Variants in DCHS2 observed in about 807,000 individuals in gnomAD.
DCHS2 encodes the protein dachsous cadherin-related 2.
Under a neutral mutation model 182.4 loss-of-function variants are expected in DCHS2, and 142 were observed. That is an observed-to-expected ratio of 0.78 (90% CI 0.68 to 0.89). The LOEUF (loss-of-function observed/expected upper bound fraction) is 0.89. Ranked by LOEUF, DCHS2 falls within the 40% of genes least tolerant of loss-of-function variation. The pLI is 0.00. For missense variants in DCHS2, 4,319 were observed against 4,198.6 expected (o/e 1.03, Z -0.79); for synonymous variants, 1,740 against 1,663.3 (o/e 1.05, Z -1.12).
At chr4:154,320,000 T>C (rs1363502714) in intron 9 of DCHS2, among the ~76,000 whole-genome samples, 2 of 152,220 alleles carry the variant, frequency 1.3e-5, no homozygotes, top group African/African-American at 4.8e-5. Context: ...TGAAGACAAT[T>C]CAGCCTTAAA....
At chr4:154,400,463 T>C (rs965646150) in intron 1 of DCHS2, among the ~76,000 whole-genome samples, 6 of 70,520 alleles carry the variant, frequency 8.5e-5, no homozygotes, top group African/African-American at 1.9e-4. Flanking sequence ...CCCCCCATGC[T>C]GTAAGGGTGG....
intron 10 of DCHS2, 74 bp downstream of exon 10, chr4:154,315,674 T>C: frequency 6.4e-7 from 1 of 1,557,790 alleles, no homozygotes; most frequent in Non-Finnish European, 8.7e-7. Context: ...GCCATAACTA[T>C]TATAAATTAC....
intron 13 of DCHS2, among the ~76,000 whole-genome samples, chr4:154,278,345 A>G (rs1308532586): frequency 6.6e-6 from 1 of 152,066 alleles, no homozygotes; most frequent in African/African-American, 2.4e-5. Flanking sequence ...AATGAAGAAA[A>G]GTGAAGGAAG....
At chr4:154,310,649 T>C (rs1481816954) in intron 10 of DCHS2, among the ~76,000 whole-genome samples, 1 of 152,210 alleles carries the variant, frequency 6.6e-6, no homozygotes, top group Non-Finnish European at 1.5e-5. Context: ...GGATGGATCA[T>C]GGTGCCAATG....
At chr4:154,453,126 G>A (rs1734607230) in intron 1 of DCHS2, among the ~76,000 whole-genome samples, 1 of 152,018 alleles carries the variant, frequency 6.6e-6, no homozygotes, top group Admixed American at 6.6e-5. Flanking sequence ...TCCCGTGCAT[G>A]CAGGCAAAAA....
chr4:154,288,328 G>A (rs1048361092), intron 13 of DCHS2, among the ~76,000 whole-genome samples: 2 of 152,010 alleles, frequency 1.3e-5, no homozygotes, highest in Admixed American at 6.6e-5. Flanking sequence ...AGACAAGGAA[G>A]GTCATTATGC....
intron 12 of DCHS2, among the ~76,000 whole-genome samples, chr4:154,301,746 G>A (rs1214787676): frequency 6.6e-6 from 1 of 152,066 alleles, no homozygotes; most frequent in African/African-American, 2.4e-5. Context: ...CAGGTGATCT[G>A]CCCACCTTGG....
chr4:154,351,923 C>T (rs993078987), intron 3 of DCHS2, among the ~76,000 whole-genome samples: 2 of 152,128 alleles, frequency 1.3e-5, no homozygotes, highest in African/African-American at 4.8e-5. Flanking sequence ...CCTATGAAGG[C>T]ACTGATTGCT....
rs762788162 is a variant in DCHS2 at position 154,432,646 on chromosome 4, GA to G, written c.2053-55203del. 2.3e-3 allele frequency among the ~76,000 whole-genome samples: 317 copies of G among 137,310 alleles called. 1 individual carries two copies. The highest frequency in any genetic ancestry group is 6.8e-3 in the African/African-American group (256 of 37,500). 90.1% of individuals were successfully genotyped at this position (137,310 alleles called of 152,430 possible). On this transcript the variant is annotated intron_variant, in intron 1 of 19. Coordinates refer to ENST00000357232, the MANE Select transcript of DCHS2 (RefSeq NM_001358235.2). Reference sequence around the variant, plus strand: ...TTTCAGGATAATGGAGTAATAGAATGAAAAAAAAAAAGATGAGAAAAAGACA... The same window carrying G: ...TTTCAGGATAATGGAGTAATAGAATGAAAAAAAAAAGATGAGAAAAAGACA...
At chr4:154,307,218 T>C (rs1224068217) in intron 10 of DCHS2, among the ~76,000 whole-genome samples, 1 of 152,144 alleles carries the variant, frequency 6.6e-6, no homozygotes, top group African/African-American at 2.4e-5. Context: ...CATAGCATCA[T>C]CAAACTTGAG....
intron 1 of DCHS2, among the ~76,000 whole-genome samples, chr4:154,411,872 G>T (rs1732648342): frequency 6.6e-6 from 1 of 151,966 alleles, no homozygotes; most frequent in Non-Finnish European, 1.5e-5. Context: ...TTCTAAAAAA[G>T]CCTGAAGGTT....
At chr4:154,330,091 T>C (rs532935010) in intron 5 of DCHS2, among the ~76,000 whole-genome samples, 7 of 152,240 alleles carry the variant, frequency 4.6e-5, no homozygotes, top group Non-Finnish European at 1.0e-4. Context: ...ACACAGGTTC[T>C]GGCTTTGGCC....
chr4:154,336,093 A>C (rs987558616), intron 3 of DCHS2, among the ~76,000 whole-genome samples: 7 of 152,108 alleles, frequency 4.6e-5, no homozygotes, highest in African/African-American at 1.7e-4. Context: ...TCTCTTTTTA[A>C]ACTGACTCCA....
At chr4:154,408,738 G>A (rs534686844) in intron 1 of DCHS2, among the ~76,000 whole-genome samples, 175 of 152,276 alleles carry the variant, frequency 1.1e-3, no homozygotes, top group African/African-American at 4.1e-3. Flanking sequence ...AAAGAAAAGA[G>A]AAGAAAACAT....
At chr4:154,238,843 G>GAA (rs1322957111) in intron 19 of DCHS2, among the ~76,000 whole-genome samples, 1 of 152,088 alleles carries the variant, frequency 6.6e-6, no homozygotes, top group Non-Finnish European at 1.5e-5. Context: ...GATTCTTGCT[G>GAA]AATCCTGGGA....
chr4:154,433,634 T>G, intron 1 of DCHS2, among the ~76,000 whole-genome samples: 1 of 152,110 alleles, frequency 6.6e-6, no homozygotes, highest in Admixed American at 6.5e-5. Context: ...GACCTCTTGA[T>G]CTGCCTGCCT....
At chr4:154,476,834 A>C (rs1415715657) in intron 1 of DCHS2, among the ~76,000 whole-genome samples, 1 of 152,234 alleles carries the variant, frequency 6.6e-6, no homozygotes, top group Admixed American at 6.5e-5. Flanking sequence ...TATTATCTTT[A>C]CTATTGCATA....
chr4:154,489,630 G>C lies in DCHS2; in HGVS notation c.1726C>G (p.Leu576Val), dbSNP rs770092197. The change falls in exon 1 of 20, where the codon CTG (leucine) becomes GTG (valine). Residue 576 changes from leucine to valine, a missense_variant. Leu to Val is a conservative substitution (Grantham distance 32). Transcript: ENST00000357232. ...ADEAGSDHAW[L>V]RYTVVQLSAP... ...GAGAGTTGGACTACAGTGTAGCGCA[G>C]CCAGGCGTGATCACTGCCTGCCTCG... is the stretch of plus-strand genomic sequence containing the variant. 1.9e-6 allele frequency: 3 copies of C among 1,551,496 alleles called. No individual in the cohort carries two copies. In the African/African-American group the frequency reaches 4.1e-5, roughly 21 times the overall value.
At chr4:154,434,106 T>C (rs371325561) in intron 1 of DCHS2, among the ~76,000 whole-genome samples, 1 of 152,164 alleles carries the variant, frequency 6.6e-6, no homozygotes, top group Admixed American at 6.5e-5. Context: ...AGAGAATACA[T>C]ACAAAATTAT....
Sources: gnomAD v4.1 joint callset for allele counts (sites outside exome capture counted in the v4.1 genomes callset) on GRCh38, gnomAD v4.1.1 for gene constraint, MANE v1.5 for transcripts, NCBI Gene and HGNC (gene_info 2026-07-23, HGNC 2026-07-21) for gene names.